CABLES1: variants seen among roughly 807,000 people sequenced by gnomAD.
CABLES1 encodes the protein CDK5 and ABL1 enzyme substrate 1.
A neutral mutation model predicts 57.8 loss-of-function variants in CABLES1; 36 were observed. The observed-to-expected ratio is 0.62, with a 90% confidence interval of 0.48 to 0.82. The LOEUF (loss-of-function observed/expected upper bound fraction) is 0.82. Among genes scored for constraint, CABLES1 ranks in the 40% least tolerant of loss-of-function variants. The pLI is 0.00. For missense variants in CABLES1, 767 were observed against 836.6 expected (o/e 0.92, Z 1.03); for synonymous variants, 374 against 363.0 (o/e 1.03, Z -0.35).
At chr18:23,189,818 TC>T (rs1425719316) in intron 2 of CABLES1, among the ~76,000 whole-genome samples, 1 of 152,186 alleles carries the variant, frequency 6.6e-6, no homozygotes, top group African/African-American at 2.4e-5. Flanking sequence ...TCTGGCTCCT[TC>T]CCCACCTGAA....
At chr18:23,138,422 ATCCTAT>A (rs1471416598) in intron 1 of CABLES1, among the ~76,000 whole-genome samples, 1 of 152,220 alleles carries the variant, frequency 6.6e-6, no homozygotes, top group Non-Finnish European at 1.5e-5. Context: ...AGTCACTTTC[ATCCTAT>A]TTCTGAATAA....
rs1029558402 is a variant in CABLES1, at chr18:23,259,735, C to T, written c.*2368C>T. 4 of 152,220 alleles carry T rather than the reference C, an allele frequency of 2.6e-5. No individual in the cohort carries two copies. The allele number at this position is 152,220 out of a possible 1,614,324, so 9.4% of individuals were successfully genotyped here. On this transcript the variant is annotated 3_prime_UTR_variant, in exon 10 of 10. Coordinates refer to ENST00000256925, the MANE Select transcript of CABLES1 (RefSeq NM_001100619.3). ...GTGACACGGAACATTCCAGACACGT[C>T]GCAGCCTTGGGCTTCGGCGAGGAGG...
intron 3 of CABLES1, among the ~76,000 whole-genome samples, chr18:23,200,426 A>AT (rs908800343): frequency 4.0e-5 from 6 of 151,762 alleles, no homozygotes; most frequent in African/African-American, 1.5e-4. Context: ...TGCCCAGCTA[A>AT]TTTTTTTATA....
chr18:23,189,020 C>A, intron 2 of CABLES1, 111 bp downstream of exon 2: 3 of 705,380 alleles, frequency 4.3e-6, no homozygotes, highest in Non-Finnish European at 7.1e-6. Context: ...AAATAACCAT[C>A]TGAACTCCAG....
rs575090467 is a variant in CABLES1, at chr18:23,243,304, A to G, written c.1446+6059A>G. Among the ~76,000 whole-genome samples, 43 of 151,990 alleles carry G rather than the reference A, an allele frequency of 2.8e-4. 2 individuals are homozygous for G. The South Asian group carries it at 8.7e-3, about 31-fold the overall frequency. ...CACAGTAGCTCCGCACTTCCCTATT[A>G]TTGTGGCACTTCCCTGAGGCTTGAA... On this transcript the variant is annotated intron_variant, in intron 7 of 9. Coordinates refer to ENST00000256925, the MANE Select transcript of CABLES1 (RefSeq NM_001100619.3).
chr18:23,135,914 C>T lies in CABLES1; in HGVS notation c.152C>T (p.Pro51Leu). Reference sequence around the variant, plus strand: ...GCGCCGGCCCAGCCGCCGCCCGAACCCCCCCGGAAGCCGCGCATGGACCCG... The same window carrying T: ...GCGCCGGCCCAGCCGCCGCCCGAACTCCCCCGGAAGCCGCGCATGGACCCG... ...AAAPAQPPPE[P>L]PRKPRMDPRR... The change falls in exon 1 of 10, where the codon CCC (proline) becomes CTC (leucine). Residue 51 changes from proline to leucine, a missense_variant. This residue lies in a region of CABLES1 where 198 missense variants were observed against 149.7 expected (regional missense o/e 1.32). Coordinates refer to ENST00000256925, the MANE Select transcript of CABLES1 (RefSeq NM_001100619.3). 2 of 1,090,768 alleles carry T rather than the reference C, an allele frequency of 1.8e-6. No homozygotes were observed. The highest frequency in any genetic ancestry group is 2.2e-6 in the Non-Finnish European group (2 of 902,046). 67.6% of individuals were successfully genotyped at this position (1,090,768 alleles called of 1,614,324 possible).
At chr18:23,194,354 A>G (rs2278453) in intron 2 of CABLES1, 94 bp from the exon 3 acceptor site, 43,272 of 758,586 alleles carry the variant, frequency 0.057, 3,845 homozygotes, top group Admixed American at 0.29. Flanking sequence ...GACTCAAGCC[A>G]TTTGTCTGGT....
chr18:23,140,606 T>C (rs936350725), intron 1 of CABLES1, among the ~76,000 whole-genome samples: 5 of 152,094 alleles, frequency 3.3e-5, no homozygotes, highest in African/African-American at 1.2e-4. Flanking sequence ...CTGGCTGATT[T>C]TGGTATTTTT....
chr18:23,206,419 C>T (rs572979602), intron 3 of CABLES1, among the ~76,000 whole-genome samples: 1 of 152,362 alleles, frequency 6.6e-6, no homozygotes. Flanking sequence ...AAAGGAAATA[C>T]CCACAGAAAT....
chr18:23,240,225 C>T (rs2047701175), intron 7 of CABLES1, among the ~76,000 whole-genome samples: 1 of 152,160 alleles, frequency 6.6e-6, no homozygotes, highest in African/African-American at 2.4e-5. Context: ...CTGAAGCAAG[C>T]ACTGAGGGCT....
intron 8 of CABLES1, 58 bp from the exon 9 acceptor site, chr18:23,253,671 T>TTCGA: frequency 4.2e-6 from 6 of 1,428,666 alleles, no homozygotes; most frequent in Non-Finnish European, 5.8e-6. Context: ...GGAGTTTTTC[T>TTCGA]GTCCACTGAA....
At chr18:23,172,358 C>G (rs75893809) in intron 1 of CABLES1, among the ~76,000 whole-genome samples, 2,143 of 152,250 alleles carry the variant, frequency 0.014, 60 homozygotes, top group African/African-American at 0.049. Context: ...ATCATACACT[C>G]TGTTTTAGAT....
intron 3 of CABLES1, 145 bp downstream of exon 3, chr18:23,194,685 A>G (rs1192731086): frequency 1.6e-6 from 1 of 613,782 alleles, no homozygotes; most frequent in East Asian, 2.8e-5. Context: ...TTCCCCGACA[A>G]TTTCCACCCC....
chr18:23,161,238 A>G (rs2047001778), intron 1 of CABLES1, among the ~76,000 whole-genome samples: 1 of 152,080 alleles, frequency 6.6e-6, no homozygotes, highest in Non-Finnish European at 1.5e-5. Context: ...GTGAGAGAGG[A>G]AGAGAAAGAA....
At chr18:23,228,454 AAG>A (rs375212959) in intron 4 of CABLES1, among the ~76,000 whole-genome samples, 32 of 152,312 alleles carry the variant, frequency 2.1e-4, no homozygotes, top group African/African-American at 7.2e-4. Flanking sequence ...AGCCAAAACT[AAG>A]ACAGGGGTCC....
chr18:23,235,522 G>A (rs2047599150), intron 5 of CABLES1, among the ~76,000 whole-genome samples: 1 of 152,212 alleles, frequency 6.6e-6, no homozygotes. Context: ...GACTCTTGGG[G>A]CCTGAAGTGT....
chr18:23,184,013 C>T (rs2047185269), intron 1 of CABLES1, among the ~76,000 whole-genome samples: 1 of 152,100 alleles, frequency 6.6e-6, no homozygotes, highest in African/African-American at 2.4e-5. Flanking sequence ...AGTGACACTA[C>T]CAGTTCACAG....
chr18:23,217,911 ACACCTGG>A (rs924844124), intron 4 of CABLES1, among the ~76,000 whole-genome samples: 3 of 152,210 alleles, frequency 2.0e-5, no homozygotes, highest in Non-Finnish European at 4.4e-5. Context: ...CCACAGCCCC[ACACCTGG>A]CAGAGTCAGC....
intron 1 of CABLES1, among the ~76,000 whole-genome samples, chr18:23,146,140 A>G (rs2046890225): frequency 6.6e-6 from 1 of 152,266 alleles, no homozygotes; most frequent in South Asian, 2.1e-4. Context: ...CAAATTATTT[A>G]TAAAGCAAAA....
Sources: gnomAD v4.1 joint callset for allele counts (sites outside exome capture counted in the v4.1 genomes callset) on GRCh38, gnomAD v4.1.1 for gene constraint, gnomAD v4.1.1 regional missense constraint, MANE v1.5 for transcripts, NCBI Gene and HGNC (gene_info 2026-07-23, HGNC 2026-07-21) for gene names.